The following TMEM116 variants were observed in gnomAD, a reference collection of about 807,000 sequenced individuals.
The protein encoded by TMEM116 is transmembrane protein 116.
In TMEM116, 38 loss-of-function variants were observed where a neutral mutation model predicts 44.3. That is an observed-to-expected ratio of 0.86 (90% CI 0.66 to 1.12). The LOEUF is 1.12. Among genes scored for constraint, TMEM116 ranks in the 50% most tolerant of loss-of-function variants. TMEM116 has a pLI of 0.00. For synonymous variants in TMEM116, 132 were observed against 144.8 expected (o/e 0.91, Z 0.64); for missense variants, 354 against 401.7 (o/e 0.88, Z 1.01).
chr12:111,939,279 C>A (rs2072453971), intron 5 of TMEM116, among the ~76,000 whole-genome samples: 1 of 151,728 alleles, frequency 6.6e-6, no homozygotes, highest in Non-Finnish European at 1.5e-5. Flanking sequence ...ATAGTGAAAC[C>A]CTGTCTCTAC....
intron 4 of TMEM116, among the ~76,000 whole-genome samples, chr12:111,957,492 T>TG (rs1013003052): frequency 2.7e-5 from 4 of 146,024 alleles, no homozygotes; most frequent in African/African-American, 5.2e-5. Flanking sequence ...GTCCAGGAGG[T>TG]GGGGGGCAGC....
intron 5 of TMEM116, among the ~76,000 whole-genome samples, chr12:111,940,472 TATATAC>T (rs1565873442): frequency 8.2e-5 from 8 of 97,564 alleles, no homozygotes; most frequent in Non-Finnish European, 1.1e-4. Context: ...CACATATATA[TATATAC>T]ATACACACAC....
At position 111,991,824 on chromosome 12, in the gene TMEM116, T is replaced by C; in HGVS notation, c.144A>G (p.Thr48=). The change falls in exon 4 of 11, where the codon ACA becomes ACG. Residue 48 remains threonine (T), a synonymous_variant. Transcript: ENST00000552374. ...LLLGLCWLTE[T]LLYGASVANK... ...TTGCTACTGAAGCTCCATAGAGAAG[T>C]GTCTCCGTGAGCCAGCAAAGTCCCA... 1 of 1,536,092 alleles carries C rather than the reference T, an allele frequency of 6.5e-7. No homozygotes were observed.
chr12:111,996,998 AACAT>A (rs1227808316), intron 3 of TMEM116, among the ~76,000 whole-genome samples: 7 of 152,356 alleles, frequency 4.6e-5, no homozygotes, highest in African/African-American at 1.7e-4. Context: ...AAATTGTTTA[AACAT>A]ACATACATTT....
chr12:111,957,518 C>G (rs921396338), intron 4 of TMEM116, among the ~76,000 whole-genome samples: 54 of 151,540 alleles, frequency 3.6e-4, no homozygotes, highest in Non-Finnish European at 7.4e-4. Context: ...CCTGGCCAGC[C>G]GCCCCGTCCG....
At chr12:111,968,929 G>A (rs2136439614) in intron 4 of TMEM116, among the ~76,000 whole-genome samples, 1 of 144,792 alleles carries the variant, frequency 6.9e-6, no homozygotes, top group Non-Finnish European at 1.5e-5. Context: ...GGAGGCGGAG[G>A]TTGCAGTGAG....
intron 1 of TMEM116, among the ~76,000 whole-genome samples, chr12:112,010,025 G>T (rs766634378): frequency 2.0e-5 from 3 of 152,126 alleles, no homozygotes; most frequent in Admixed American, 6.5e-5. Context: ...ATAGACTACA[G>T]AACAGAAAAT....
chr12:111,966,126 C>A (rs2074965369), intron 4 of TMEM116, among the ~76,000 whole-genome samples: 1 of 151,940 alleles, frequency 6.6e-6, no homozygotes, highest in South Asian at 2.1e-4. Context: ...GCCAACGTGG[C>A]AAAACCCTAT....
At chr12:111,990,554 T>C (rs951795556) in intron 4 of TMEM116, among the ~76,000 whole-genome samples, 2 of 152,200 alleles carry the variant, frequency 1.3e-5, no homozygotes, top group African/African-American at 4.8e-5. Context: ...AGTGCACAGA[T>C]TTTATACCAC....
At chr12:111,950,469 T>TA (rs34167575) in intron 4 of TMEM116, among the ~76,000 whole-genome samples, 4,993 of 124,548 alleles carry the variant, frequency 0.04, 159 homozygotes, top group African/African-American at 0.091. Flanking sequence ...GATCTGATCT[T>TA]AAAAAAAAAA....
chr12:111,949,756 T>G (rs1036512942), intron 4 of TMEM116, among the ~76,000 whole-genome samples: 2 of 152,214 alleles, frequency 1.3e-5, no homozygotes, highest in Non-Finnish European at 2.9e-5. Context: ...TCTAGGTACC[T>G]CCAATCCAAC....
At position 112,013,117 on chromosome 12, in the gene TMEM116, T is replaced by A. The variant is rs1026557193; in HGVS notation, c.-149A>T. ...GGACAGCAAACGAATTGCTATAGCG[T>A]CCCCATGCGCACTTGGCGCTTCTCC... On this transcript the variant is annotated 5_prime_UTR_variant, in exon 1 of 11. Transcript: ENST00000552374. The A allele has an allele frequency of 7.3e-5, 20 of 275,148 alleles. 1 individual carries two copies. The highest frequency in any genetic ancestry group is 1.3e-4 in the Non-Finnish European group (19 of 144,934). The allele number at this position is 275,148 out of a possible 1,614,324, so 17.0% of individuals were successfully genotyped here. A position where few individuals can be genotyped will look rare whatever the true frequency, so the allele number is the denominator to read the frequency against.
intron 5 of TMEM116, among the ~76,000 whole-genome samples, chr12:111,942,435 G>A (rs1374856854): frequency 6.6e-6 from 1 of 152,052 alleles, no homozygotes; most frequent in Non-Finnish European, 1.5e-5. Flanking sequence ...ACCACGTCTG[G>A]CTAATTTTTT....
At chr12:111,991,139 A>G (rs1367404209) in intron 4 of TMEM116, among the ~76,000 whole-genome samples, 1 of 148,354 alleles carries the variant, frequency 6.7e-6, no homozygotes, top group Non-Finnish European at 1.5e-5. Flanking sequence ...GAATTGCTTG[A>G]ACCTAGGAGG....
intron 3 of TMEM116, chr12:111,993,495 G>C (rs770768447): frequency 3.7e-6 from 2 of 546,836 alleles, no homozygotes; most frequent in Non-Finnish European, 7.2e-6. Context: ...GCCTCTGCCA[G>C]TGCTGAATTC....
At chr12:111,985,591 T>C (rs1171423403) in intron 4 of TMEM116, among the ~76,000 whole-genome samples, 2 of 152,178 alleles carry the variant, frequency 1.3e-5, no homozygotes, top group East Asian at 1.9e-4. Flanking sequence ...CTTACTATTA[T>C]AGTTTTTTGT....
intron 4 of TMEM116, among the ~76,000 whole-genome samples, chr12:111,945,123 TGAA>T (rs1480132602): frequency 7.0e-6 from 1 of 143,812 alleles, no homozygotes; most frequent in East Asian, 2.0e-4. Context: ...AGGCAAACCT[TGAA>T]AAGGTCAGGA....
chr12:111,961,485 T>C (rs903829801), intron 4 of TMEM116, among the ~76,000 whole-genome samples: 1 of 152,228 alleles, frequency 6.6e-6, no homozygotes, highest in African/African-American at 2.4e-5. Context: ...CATGATCAAG[T>C]TGGCTTCATC....
rs776476101 is a variant in TMEM116 at position 112,003,858 on chromosome 12, A to C, written c.20T>G (p.Ile7Arg). The change falls in exon 3 of 11, where the codon ATA becomes AGA. Residue 7 changes from isoleucine to arginine, a missense_variant. Transcript: ENST00000552374. MATLSV[I>R]GSSSLIAYAV... ...ATAGGCAATAAGTGAACTTGAACCT[A>C]TAACACTGAGAAATTTAGAAGATGA... The C allele has an allele frequency of 6.0e-6, 9 of 1,505,366 alleles. No individual in the cohort carries two copies. The highest frequency in any genetic ancestry group is 6.2e-6 in the Non-Finnish European group (7 of 1,137,118). 93.3% of individuals were successfully genotyped at this position (1,505,366 alleles called of 1,614,324 possible).
Sources: gnomAD v4.1 joint callset for allele counts (sites outside exome capture counted in the v4.1 genomes callset) on GRCh38, gnomAD v4.1.1 for gene constraint, MANE v1.5 for transcripts, NCBI Gene and HGNC (gene_info 2026-07-23, HGNC 2026-07-21) for gene names.